RIMS1: variants seen among roughly 807,000 people sequenced by gnomAD.
RIMS1 encodes the protein regulating synaptic membrane exocytosis 1, also known as regulating synaptic membrane exocytosis protein 1.
RIMS1 carries 83 observed loss-of-function variants against 214.1 expected under a neutral mutation model. The ratio of observed to expected loss-of-function variants is 0.39; its 90% CI spans 0.32 to 0.47. The LOEUF (loss-of-function observed/expected upper bound fraction) is 0.47. RIMS1 is among the 20% of genes least tolerant of loss of function. RIMS1 has a pLI of 0.99. For synonymous variants in RIMS1, 793 were observed against 786.8 expected, an observed-to-expected ratio of 1.01 and a Z score of -0.13; for missense variants, 2,050 against 2,161.8, an observed-to-expected ratio of 0.95 and a Z score of 1.03.
At chr6:72,094,398 A>G (rs1046895746) in intron 2 of RIMS1, among the ~76,000 whole-genome samples, 1 of 152,198 alleles carries the variant, frequency 6.6e-6, no homozygotes, top group Admixed American at 6.5e-5. Context: ...GCCTGTATAT[A>G]TTGCACAAAG....
In RIMS1 at chr6:72,123,377, C is replaced by G. The variant is rs572965472; in HGVS notation, c.471+23391C>G. ...TCTGTTCTTTTACATTTGCTGAGGA[C>G]TGCTTTACTTCCCACCATGTGGTCA... On this transcript the variant is annotated intron_variant, in intron 4 of 33. Coordinates refer to ENST00000521978, the MANE Select transcript of RIMS1 (RefSeq NM_014989.7). 9.2e-5 allele frequency among the ~76,000 whole-genome samples: 14 copies of G among 151,846 alleles called. No individual in the cohort carries two copies. The East Asian group carries it at 2.5e-3, about 27-fold the overall frequency.
At chr6:72,235,543 G>T in intron 7 of RIMS1, 75 bp from the exon 8 acceptor site, 1 of 921,386 alleles carries the variant, frequency 1.1e-6, no homozygotes, top group Non-Finnish European at 1.7e-6. Context: ...CTAATGACAA[G>T]ACTTCATTCT....
chr6:72,134,173 T>C (rs2040897640), intron 4 of RIMS1, among the ~76,000 whole-genome samples: 1 of 152,160 alleles, frequency 6.6e-6, no homozygotes, highest in African/African-American at 2.4e-5. Context: ...TCCTAAATCA[T>C]AAACCATTAG....
chr6:72,124,652 A>G (rs2039129615), intron 4 of RIMS1, among the ~76,000 whole-genome samples: 1 of 147,456 alleles, frequency 6.8e-6, no homozygotes, highest in Non-Finnish European at 1.5e-5. Flanking sequence ...ATAATCCCAT[A>G]TTTCTTGGAG....
chr6:72,194,285 A>G (rs2153984485), intron 6 of RIMS1, among the ~76,000 whole-genome samples: 1 of 150,096 alleles, frequency 6.7e-6, no homozygotes. Context: ...GGGGAAGATT[A>G]TCCTCATGGA....
At chr6:72,042,291 A>T (rs565993744) in intron 2 of RIMS1, among the ~76,000 whole-genome samples, 16 of 151,946 alleles carry the variant, frequency 1.1e-4, no homozygotes, top group African/African-American at 3.1e-4. Context: ...CTGCCCTCTT[A>T]TGGAGAAAGG....
At chr6:71,965,188 A>G (rs1158651186) in intron 1 of RIMS1, among the ~76,000 whole-genome samples, 1 of 152,182 alleles carries the variant, frequency 6.6e-6, no homozygotes, top group Non-Finnish European at 1.5e-5. Flanking sequence ...TAAATGTCCT[A>G]TAGTCTACTA....
chr6:72,317,148 C>T, intron 28 of RIMS1: 1 of 352,616 alleles, frequency 2.8e-6, no homozygotes, highest in Non-Finnish European at 5.5e-6. Context: ...GCACCAGTCC[C>T]GACCAGGGTG....
At chr6:72,073,026 G>T (rs890755222) in intron 2 of RIMS1, among the ~76,000 whole-genome samples, 1 of 152,138 alleles carries the variant, frequency 6.6e-6, no homozygotes, top group Non-Finnish European at 1.5e-5. Flanking sequence ...TTTTGAGAGA[G>T]CAAAATCCAT....
chr6:72,403,109 G>A lies in RIMS1; in HGVS notation c.*2395G>A, dbSNP rs1024274184. 6.6e-6 allele frequency: 1 copy of A among 152,210 alleles called. No individual in the cohort carries two copies. Among genetic ancestry groups the A allele is most frequent in the Non-Finnish European group, 1.5e-5 (1 of 68,032 alleles). The allele number at this position is 152,210 out of a possible 1,614,324, so 9.4% of individuals were successfully genotyped here. On this transcript the variant is annotated 3_prime_UTR_variant, in exon 34 of 34. Transcript: ENST00000521978. ...AAATGGAAGGTTGTTTTCTGCTGCT[G>A]TTTGAATGTGCTAATAAAAGAGACA...
intron 4 of RIMS1, among the ~76,000 whole-genome samples, chr6:72,127,592 A>G (rs2039773701): frequency 6.6e-6 from 1 of 152,164 alleles, no homozygotes. Context: ...CCCTCCAGTC[A>G]TCAATTCTAC....
In RIMS1 at chr6:72,319,999, T is replaced by C. The variant is rs1025676188; in HGVS notation, c.4130+6327T>C. On this transcript the variant is annotated intron_variant, in intron 28 of 33. Coordinates refer to ENST00000521978, the MANE Select transcript of RIMS1 (RefSeq NM_014989.7). ...AGTATTAGATAAGTTACTTTATACT[T>C]TTAAGTCATCCTTGAATGTCTTCTG... Among the ~76,000 whole-genome samples the C allele has an allele frequency of 1.3e-5, 2 of 152,172 alleles. 1 individual carries two copies. Among genetic ancestry groups the C allele is most frequent in the Non-Finnish European group, 2.9e-5 (2 of 67,988 alleles).
chr6:72,216,434 G>C, intron 6 of RIMS1: 1 of 985,436 alleles, frequency 1.0e-6, no homozygotes, highest in Non-Finnish European at 1.2e-6. Flanking sequence ...CACTAGGCTG[G>C]CCGTACCAGA....
At chr6:72,132,332 T>C (rs188801233) in intron 4 of RIMS1, among the ~76,000 whole-genome samples, 2 of 152,198 alleles carry the variant, frequency 1.3e-5, no homozygotes, top group African/African-American at 4.8e-5. Context: ...TCATGATATC[T>C]TCACAATCCA....
intron 2 of RIMS1, among the ~76,000 whole-genome samples, chr6:72,019,016 G>C (rs1168602817): frequency 1.3e-5 from 2 of 152,048 alleles, no homozygotes; most frequent in Non-Finnish European, 2.9e-5. Context: ...TTGACTAAGA[G>C]GCGGCAGTGT....
At chr6:72,192,727 C>T (rs1489837510) in intron 6 of RIMS1, among the ~76,000 whole-genome samples, 1 of 152,166 alleles carries the variant, frequency 6.6e-6, no homozygotes, top group Non-Finnish European at 1.5e-5. Context: ...TTGAGTGCTG[C>T]CCTTGGCTCC....
At chr6:72,306,664 G>A (rs1262485103) in intron 26 of RIMS1, among the ~76,000 whole-genome samples, 8 of 152,160 alleles carry the variant, frequency 5.3e-5, no homozygotes, top group Non-Finnish European at 1.0e-4. Flanking sequence ...TCCGGATATA[G>A]CCATAAGGAA....
intron 1 of RIMS1, among the ~76,000 whole-genome samples, chr6:71,901,810 G>C (rs866555554): frequency 3.9e-5 from 6 of 152,104 alleles, no homozygotes; most frequent in African/African-American, 1.2e-4. Context: ...GAATTCTGCA[G>C]AGACATCAAA....
rs371702564 is a variant in RIMS1, at chr6:72,390,727, C to T, written c.4496C>T (p.Ser1499Phe). The T allele has an allele frequency of 3.7e-6, 6 of 1,613,676 alleles. No homozygotes were observed. Among genetic ancestry groups the T allele is most frequent in the Non-Finnish European group, 5.1e-6 (6 of 1,179,756 alleles). ...STDGSINSYS[S>F]EGNLIFPGVR... ...GATGGCAGCATCAACAGTTACAGCT[C>T]TGAGGGCAAGTAAGTGCTGTCAGCA... Residue 1499 changes from serine (S) to phenylalanine (F), a missense_variant, in exon 30 of 34, where the codon TCT becomes TTT. Physicochemically the swap from Ser to Phe is radical, Grantham distance 155. Around this residue, in one of 6 missense-constraint regions of RIMS1, gnomAD observed 121 missense variants for 187.3 expected, o/e 0.65. Transcript: ENST00000521978.
Sources: gnomAD v4.1 joint callset for allele counts (sites outside exome capture counted in the v4.1 genomes callset) on GRCh38, gnomAD v4.1.1 for gene constraint, gnomAD v4.1.1 regional missense constraint, MANE v1.5 for transcripts, NCBI Gene and HGNC (gene_info 2026-07-23, HGNC 2026-07-21) for gene names.